The following ADGRG6 variants were observed in gnomAD, a reference collection of about 807,000 sequenced individuals.
The protein encoded by ADGRG6 is G-protein coupled receptor 126.
A neutral mutation model predicts 142.4 loss-of-function variants in ADGRG6; 84 were observed. The ratio of observed to expected loss-of-function variants is 0.59; its 90% confidence interval spans 0.49 to 0.71. The LOEUF is 0.71. ADGRG6 is among the 30% of genes least tolerant of loss of function. ADGRG6 has a pLI of 0.00. For synonymous variants in ADGRG6, 521 were observed against 520.5 expected (o/e 1.00, Z -0.01); for missense variants, 1,367 against 1,466.6 (o/e 0.93, Z 1.11).
intron 22 of ADGRG6, among the ~76,000 whole-genome samples, chr6:142,430,253 C>T (rs1387889328): frequency 6.6e-6 from 1 of 152,004 alleles, no homozygotes; most frequent in Admixed American, 6.6e-5. Context: ...AATATTTATC[C>T]AGTTTATTGA....
rs56217519 is a variant in ADGRG6, at chr6:142,393,237, G to A, written c.1361+237G>A. Among the ~76,000 whole-genome samples the A allele has an allele frequency of 1.5e-3, 234 of 151,998 alleles. 1 individual carries two copies. Among genetic ancestry groups the A allele is most frequent in the Admixed American group, 5.1e-3 (78 of 15,266 alleles). On this transcript the variant is annotated intron_variant, in intron 8 of 24. Coordinates refer to ENST00000367609, the MANE Select transcript of ADGRG6 (RefSeq NM_198569.3). ...TTAATTTGTATTTGTTTTAAATCAT[G>A]TTATAATGTGTCAAAAATTAAAATC...
At chr6:142,407,491 A>G (rs1456934685) in intron 15 of ADGRG6, among the ~76,000 whole-genome samples, 1 of 152,226 alleles carries the variant, frequency 6.6e-6, no homozygotes, top group Non-Finnish European at 1.5e-5. Context: ...TTGACAAGAA[A>G]TACAAGGGAA....
rs138583521 is a variant in ADGRG6 at position 142,369,305 on chromosome 6, G to A, written c.446-865G>A. Among the ~76,000 whole-genome samples the A allele has an allele frequency of 1.5e-3, 229 of 152,178 alleles. 2 individuals carry two copies. The highest frequency in any genetic ancestry group is 4.8e-3 in the African/African-American group (201 of 41,526). ...CATTTTTATTTTGAATTTATTGCAC[G>A]TCTATTACAATAATAGTACTTGCTA... On this transcript the variant is annotated intron_variant, in intron 3 of 24. Coordinates refer to ENST00000367609, the MANE Select transcript of ADGRG6 (RefSeq NM_198569.3).
intron 2 of ADGRG6, among the ~76,000 whole-genome samples, chr6:142,336,654 T>C (rs1779330457): frequency 6.6e-6 from 1 of 152,242 alleles, no homozygotes; most frequent in Non-Finnish European, 1.5e-5. Flanking sequence ...GTTAGCATTA[T>C]ATGTATTTAT....
chr6:142,398,867 T>C (rs1246941164), intron 10 of ADGRG6, among the ~76,000 whole-genome samples: 1 of 152,192 alleles, frequency 6.6e-6, no homozygotes, highest in Non-Finnish European at 1.5e-5. Context: ...TGTTCACATA[T>C]ATATATATGT....
Position 142,370,406 on chromosome 6 carries a change from G to T in ADGRG6, c.682G>T (p.Asp228Tyr). 1 of 1,613,510 alleles carries T rather than the reference G, an allele frequency of 6.2e-7. No individual in the cohort carries two copies. Among genetic ancestry groups the T allele is most frequent in the South Asian group, 1.1e-5 (1 of 91,030 alleles). Residue 228 changes from aspartate (D) to tyrosine (Y), a missense_variant, in exon 4 of 25, where the codon GAT becomes TAT. Asp to Tyr is a radical substitution (Grantham distance 160, BLOSUM62 -3). Coordinates refer to ENST00000367609, the MANE Select transcript of ADGRG6 (RefSeq NM_198569.3). ...AKSGYFLSIS[D>Y]SKCLLNNALP... ...GAGTGGCTACTTTCTATCCATTTCT[G>T]ATTCAAAATGTTTGTTGAATAATGC...
intron 24 of ADGRG6, among the ~76,000 whole-genome samples, chr6:142,441,189 A>G (rs1195272867): frequency 1.3e-5 from 2 of 152,146 alleles, no homozygotes; most frequent in Non-Finnish European, 2.9e-5. Flanking sequence ...GAAATGTACC[A>G]TGGTCTGGAG....
chr6:142,372,690 C>G (rs1161679862), intron 4 of ADGRG6, among the ~76,000 whole-genome samples: 1 of 152,122 alleles, frequency 6.6e-6, no homozygotes, highest in Non-Finnish European at 1.5e-5. Flanking sequence ...CTAGAAAGGA[C>G]CTTCAGGGAC....
chr6:142,417,550 T>C (rs1442245529), intron 21 of ADGRG6, among the ~76,000 whole-genome samples, 181 bp downstream of exon 21: 1 of 152,158 alleles, frequency 6.6e-6, no homozygotes, highest in Non-Finnish European at 1.5e-5. Flanking sequence ...TTTGAGACAC[T>C]TTTTCATATT....
chr6:142,342,960 G>A lies in ADGRG6; in HGVS notation c.104-24609G>A, dbSNP rs190642391. ...CTTTGTGTATATTTCAACATGACTT[G>A]CAGATATACATGAATGGATTCTTAA... On this transcript the variant is annotated intron_variant, in intron 2 of 24. Coordinates refer to ENST00000367609, the MANE Select transcript of ADGRG6 (RefSeq NM_198569.3). 2.4e-4 allele frequency among the ~76,000 whole-genome samples: 36 copies of A among 151,574 alleles called. 1 individual carries two copies. The East Asian group carries it at 6.6e-3, about 28-fold the overall frequency.
At chr6:142,334,078 G>A (rs1413046172) in intron 2 of ADGRG6, among the ~76,000 whole-genome samples, 2 of 152,146 alleles carry the variant, frequency 1.3e-5, no homozygotes, top group African/African-American at 4.8e-5. Flanking sequence ...AATGGATATG[G>A]CATCTGTTTT....
In ADGRG6 at chr6:142,307,468, C is replaced by T. The variant is rs886900036; in HGVS notation, c.3-2076C>T. ...TCATTCATCCAGCATCAGTAGGAAA[C>T]AGGCCTATTCTTCCAAATAAGTGAA... is the stretch of plus-strand genomic sequence containing the variant. On this transcript the variant is annotated intron_variant, in intron 1 of 24. Coordinates refer to ENST00000367609, the MANE Select transcript of ADGRG6 (RefSeq NM_198569.3). Among the ~76,000 whole-genome samples, 8 of 147,176 alleles carry T rather than the reference C, an allele frequency of 5.4e-5. No individual in the cohort carries two copies. The Admixed American group carries it at 5.4e-4, about 10-fold the overall frequency.
intron 2 of ADGRG6, among the ~76,000 whole-genome samples, chr6:142,338,026 T>TG (rs1779419584): frequency 6.9e-5 from 3 of 43,240 alleles, no homozygotes; most frequent in Non-Finnish European, 1.1e-4. Context: ...TGTTTTTTTT[T>TG]TTTTTTTTTT....
At chr6:142,435,369 T>C (rs1777434503) in intron 22 of ADGRG6, among the ~76,000 whole-genome samples, 1 of 152,168 alleles carries the variant, frequency 6.6e-6, no homozygotes, top group South Asian at 2.1e-4. Context: ...CCCTCCCTTA[T>C]GTAGATATAC....
intron 9 of ADGRG6, among the ~76,000 whole-genome samples, chr6:142,396,244 C>T (rs1419531783): frequency 6.6e-6 from 1 of 152,176 alleles, no homozygotes; most frequent in South Asian, 2.1e-4. Flanking sequence ...GATACTTTTT[C>T]ATGGGCCATT....
intron 22 of ADGRG6, among the ~76,000 whole-genome samples, chr6:142,421,778 C>T (rs548593138): frequency 1.3e-5 from 2 of 152,286 alleles, no homozygotes; most frequent in African/African-American, 2.4e-5. Context: ...CCATCATCAA[C>T]TCAGTGTTCT....
In ADGRG6 at chr6:142,407,170, TA is replaced by T. The variant is rs11414768; in HGVS notation, c.2269-960del. Among the ~76,000 whole-genome samples the T allele has an allele frequency of 2.9e-3, 352 of 120,998 alleles. 1 individual carries two copies. Among genetic ancestry groups the T allele is most frequent in the Non-Finnish European group, 3.4e-3 (199 of 59,184 alleles). The allele number at this position is 120,998 out of a possible 152,430, so 79.4% of individuals were successfully genotyped here. A position where few individuals can be genotyped will look rare whatever the true frequency, so the allele number is the denominator to read the frequency against. On this transcript the variant is annotated intron_variant, in intron 15 of 24. Transcript: ENST00000367609. The stretch of plus-strand genomic sequence containing the variant: ...GCCAACATAGTGAGACCCGTCTCTT[TA>T]AAAAAAAAAAAAAAAAAAAGGAAGC...
At chr6:142,364,225 A>G (rs895443275) in intron 2 of ADGRG6, among the ~76,000 whole-genome samples, 5 of 152,150 alleles carry the variant, frequency 3.3e-5, no homozygotes, top group Admixed American at 1.3e-4. Flanking sequence ...GAATTGCTCT[A>G]TAAGTATAAT....
intron 4 of ADGRG6, among the ~76,000 whole-genome samples, chr6:142,371,707 A>C (rs1781269182): frequency 6.6e-6 from 1 of 151,926 alleles, no homozygotes; most frequent in Non-Finnish European, 1.5e-5. Flanking sequence ...GGATGGTCTC[A>C]ATCTCCTGAC....
Sources: allele counts gnomAD v4.1 joint callset (sites outside exome capture counted in the v4.1 genomes callset), GRCh38; gene constraint gnomAD v4.1.1; transcripts MANE v1.5; gene names NCBI Gene and HGNC (gene_info 2026-07-23, HGNC 2026-07-21).